FHOD3: variants seen among roughly 807,000 people sequenced by gnomAD.
FHOD3 encodes formin homology 2 domain containing 3.
A neutral mutation model predicts 173.0 loss-of-function variants in FHOD3; 90 were observed. That is an observed-to-expected ratio of 0.52 (90% confidence interval 0.44 to 0.62). The LOEUF is 0.62. Ranked by LOEUF, FHOD3 falls within the 20% of genes least tolerant of loss-of-function variation. FHOD3 has a pLI of 0.00. For missense variants in FHOD3, 1,945 were observed against 2,034.7 expected, an observed-to-expected ratio of 0.96 and a Z score of 0.85; for synonymous variants, 828 against 823.0, an observed-to-expected ratio of 1.01 and a Z score of -0.10.
chr18:36,610,018 C>T (rs922446909), intron 8 of FHOD3, among the ~76,000 whole-genome samples: 5 of 152,200 alleles, frequency 3.3e-5, no homozygotes, highest in African/African-American at 4.8e-5. Flanking sequence ...GCAGTTTAAC[C>T]TCCTGGAAAC....
chr18:36,765,614 G>A (rs1211958911), intron 27 of FHOD3, among the ~76,000 whole-genome samples: 1 of 152,170 alleles, frequency 6.6e-6, no homozygotes, highest in African/African-American at 2.4e-5. Context: ...TAAAAAGGTA[G>A]ATAATTTCAA....
At chr18:36,539,805 T>A (rs2057134775) in intron 5 of FHOD3, among the ~76,000 whole-genome samples, 1 of 152,196 alleles carries the variant, frequency 6.6e-6, no homozygotes, top group Admixed American at 6.5e-5. Flanking sequence ...GATGATGTGC[T>A]CATTAAAGTC....
At chr18:36,571,262 G>A (rs1006330685) in intron 5 of FHOD3, among the ~76,000 whole-genome samples, 5 of 152,064 alleles carry the variant, frequency 3.3e-5, no homozygotes, top group African/African-American at 4.8e-5. Context: ...TTAAAACACC[G>A]TTTGTAATAG....
chr18:36,356,760 C>T (rs1353424774), intron 2 of FHOD3, among the ~76,000 whole-genome samples: 2 of 151,986 alleles, frequency 1.3e-5, no homozygotes, highest in African/African-American at 2.4e-5. Flanking sequence ...CTCAGACTCC[C>T]GAGTAGCTGG....
At chr18:36,705,085 G>C (rs2039800344) in intron 17 of FHOD3, among the ~76,000 whole-genome samples, 2 of 152,190 alleles carry the variant, frequency 1.3e-5, no homozygotes, top group Admixed American at 6.5e-5. Context: ...GCTGTTCCCA[G>C]CAGAAAGCCT....
chr18:36,384,027 G>A (rs1162620547), intron 3 of FHOD3, among the ~76,000 whole-genome samples: 1 of 152,164 alleles, frequency 6.6e-6, no homozygotes, highest in African/African-American at 2.4e-5. Flanking sequence ...GAGAAGCAGT[G>A]TGACCTTGGA....
At position 36,451,537 on chromosome 18, in the gene FHOD3, T is replaced by C. The variant is rs541422045; in HGVS notation, c.338-50395T>C. Among the ~76,000 whole-genome samples the C allele has an allele frequency of 6.6e-5, 10 of 152,378 alleles. No homozygotes were observed. In the South Asian group the frequency reaches 2.1e-3, roughly 32 times the overall value. ...ACTGCTTGCCCTTTCTCCCAGCCTCTGCCTGGGTGTGGCCCTCTTTATCTA... is the reference window on the plus strand; with the variant it reads ...ACTGCTTGCCCTTTCTCCCAGCCTCCGCCTGGGTGTGGCCCTCTTTATCTA... On this transcript the variant is annotated intron_variant, in intron 3 of 28. Transcript: ENST00000590592.
At chr18:36,427,389 TC>T (rs2050308798) in intron 3 of FHOD3, among the ~76,000 whole-genome samples, 1 of 150,364 alleles carries the variant, frequency 6.7e-6, no homozygotes, top group South Asian at 2.1e-4. Flanking sequence ...TCATCACCTC[TC>T]AGGCCACTCC....
chr18:36,388,367 C>T (rs1649763204), intron 3 of FHOD3, among the ~76,000 whole-genome samples: 1 of 151,748 alleles, frequency 6.6e-6, no homozygotes, highest in Non-Finnish European at 1.5e-5. Flanking sequence ...GGGACTGTAA[C>T]CCAGTCCCAT....
chr18:36,506,826 G>A (rs900297745), intron 4 of FHOD3, among the ~76,000 whole-genome samples: 10 of 152,142 alleles, frequency 6.6e-5, no homozygotes, highest in African/African-American at 1.9e-4. Flanking sequence ...AGACAAAAAC[G>A]CTTGTTAATG....
chr18:36,691,171 T>G (rs1380720846), intron 16 of FHOD3, among the ~76,000 whole-genome samples: 1 of 151,854 alleles, frequency 6.6e-6, no homozygotes, highest in South Asian at 2.1e-4. Context: ...CAGAGAGGCA[T>G]GCAGAAGGCC....
In FHOD3 at chr18:36,576,563, T is replaced by A. The variant is rs1242219786; in HGVS notation, c.606+18T>A. The A allele has an allele frequency of 1.3e-6, 2 of 1,585,588 alleles. No individual in the cohort carries two copies. ...GGTCAAAGGTAAGGGGAAGTTATGG[T>A]TGACTGTTTTGTTCACTTGTCATAT... is the stretch of plus-strand genomic sequence containing the variant. On this transcript the variant is annotated intron_variant, in intron 6 of 28. Coordinates refer to ENST00000590592, the MANE Select transcript of FHOD3 (RefSeq NM_001281740.3).
intron 3 of FHOD3, among the ~76,000 whole-genome samples, chr18:36,488,555 G>C (rs929884839): frequency 1.3e-5 from 2 of 152,160 alleles, no homozygotes; most frequent in Non-Finnish European, 2.9e-5. Flanking sequence ...ACTGTATGGA[G>C]GACATTAGGT....
intron 1 of FHOD3, among the ~76,000 whole-genome samples, chr18:36,307,513 G>A (rs1356785552): frequency 6.6e-6 from 1 of 152,240 alleles, no homozygotes; most frequent in Non-Finnish European, 1.5e-5. Flanking sequence ...TTCCCCTGTG[G>A]TGGCAGAAGT....
chr18:36,746,837 G>A (rs2150111792), intron 23 of FHOD3, 108 bp from the exon 24 acceptor site: 1 of 737,300 alleles, frequency 1.4e-6, no homozygotes, highest in South Asian at 2.3e-5. Flanking sequence ...ATTTCAAAAT[G>A]TGAATTTCGT....
intron 5 of FHOD3, among the ~76,000 whole-genome samples, chr18:36,522,107 A>G (rs1308395485): frequency 6.6e-6 from 1 of 152,198 alleles, no homozygotes; most frequent in East Asian, 1.9e-4. Context: ...ACTATGGACC[A>G]GGAACCCAAG....
At chr18:36,313,295 CCTT>C (rs1307939393) in intron 1 of FHOD3, among the ~76,000 whole-genome samples, 1 of 152,128 alleles carries the variant, frequency 6.6e-6, no homozygotes, top group Non-Finnish European at 1.5e-5. Flanking sequence ...TTAAAAAAAA[CCTT>C]CATATTTGGT....
At chr18:36,487,279 C>T (rs560775443) in intron 3 of FHOD3, among the ~76,000 whole-genome samples, 2 of 152,338 alleles carry the variant, frequency 1.3e-5, no homozygotes. Flanking sequence ...GCGTCAGGTT[C>T]CAGTTGTTCC....
chr18:36,342,888 G>C (rs1301333700), intron 1 of FHOD3, among the ~76,000 whole-genome samples: 1 of 152,182 alleles, frequency 6.6e-6, no homozygotes, highest in Admixed American at 6.5e-5. Flanking sequence ...CTCCAGAAAA[G>C]ATATATACAT....
Sources: gnomAD v4.1 joint callset for allele counts (sites outside exome capture counted in the v4.1 genomes callset) on GRCh38, gnomAD v4.1.1 for gene constraint, MANE v1.5 for transcripts, NCBI Gene and HGNC (gene_info 2026-07-23, HGNC 2026-07-21) for gene names.